The following ASNS variants were observed in gnomAD, a reference collection of about 807,000 sequenced individuals.
ASNS encodes the protein asparagine synthetase (glutamine-hydrolyzing).
A neutral mutation model predicts 62.6 loss-of-function variants in ASNS; 37 were observed. That is an observed-to-expected ratio of 0.59 (90% confidence interval 0.45 to 0.78). The LOEUF (loss-of-function observed/expected upper bound fraction) is 0.78. Among genes scored for constraint, ASNS ranks in the 30% least tolerant of loss-of-function variants. The pLI is 0.00. For missense variants in ASNS, 520 were observed against 682.4 expected (o/e 0.76, Z 2.65); for synonymous variants, 207 against 237.9 (o/e 0.87, Z 1.19).
At chr7:97,882,178 C>T in the ASNS span, among the ~76,000 whole-genome samples, 1 of 152,112 alleles carries the variant, frequency 6.6e-6, no homozygotes, top group East Asian at 1.9e-4. Context: ...GTTTGACTTT[C>T]CCCCTCCAGA....
chr7:97,880,001 C>G, the ASNS span, among the ~76,000 whole-genome samples: 1 of 152,104 alleles, frequency 6.6e-6, no homozygotes, highest in African/African-American at 2.4e-5. Context: ...CTCTTCCTAC[C>G]CAGAAGCTTT....
At chr7:97,865,472 A>C (rs1791919741) in intron 3 of ASNS, among the ~76,000 whole-genome samples, 1 of 152,172 alleles carries the variant, frequency 6.6e-6, no homozygotes, top group Admixed American at 6.5e-5. Flanking sequence ...CTTCATTAAC[A>C]ATGGCTTTTG....
At chr7:97,920,691 A>C in the ASNS span, among the ~76,000 whole-genome samples, 1 of 152,242 alleles carries the variant, frequency 6.6e-6, no homozygotes, top group Non-Finnish European at 1.5e-5. Context: ...AGTTGCCTGC[A>C]AGGAGGGCTG....
chr7:97,854,926 G>T, intron 9 of ASNS: 1 of 540,664 alleles, frequency 1.8e-6, no homozygotes, highest in Non-Finnish European at 3.1e-6. Context: ...CTAAGAAATG[G>T]CAGAAAGGGG....
the ASNS span, chr7:97,913,201 C>T: frequency 6.6e-6 from 1 of 152,238 alleles, no homozygotes; most frequent in Middle Eastern, 3.2e-3. Flanking sequence ...TGGTGGACTT[C>T]CAGCCAGTGG....
upstream of ASNS, among the ~76,000 whole-genome samples, chr7:97,874,503 A>C (rs1485638351): frequency 2.6e-5 from 4 of 152,256 alleles, no homozygotes; most frequent in African/African-American, 9.6e-5. Context: ...GGGAAGTGAT[A>C]AGTTTAGTCC....
chr7:97,889,078 G>C, the ASNS span, among the ~76,000 whole-genome samples: 1 of 152,176 alleles, frequency 6.6e-6, no homozygotes, highest in Non-Finnish European at 1.5e-5. Context: ...ATTGGCCCAC[G>C]CAGACAGGCT....
the ASNS span, among the ~76,000 whole-genome samples, chr7:97,915,558 C>A: frequency 1.3e-5 from 2 of 152,152 alleles, no homozygotes; most frequent in Non-Finnish European, 2.9e-5. Context: ...CGTAGCTGAG[C>A]TAGTGTCTAC....
chr7:97,904,265 C>T, the ASNS span, among the ~76,000 whole-genome samples: 1 of 145,534 alleles, frequency 6.9e-6, no homozygotes, highest in African/African-American at 2.6e-5. Flanking sequence ...TAAGAAGGAA[C>T]TTTTTTAAAC....
At chr7:97,853,277 C>A in intron 11 of ASNS, 28 bp downstream of exon 11, 1 of 1,612,586 alleles carries the variant, frequency 6.2e-7, no homozygotes, top group African/African-American at 1.3e-5. Flanking sequence ...TGGCAATGGA[C>A]AGTTTTACCT....
the ASNS span, among the ~76,000 whole-genome samples, chr7:97,906,145 A>G: frequency 6.6e-6 from 1 of 152,116 alleles, no homozygotes; most frequent in Admixed American, 6.6e-5. Flanking sequence ...TCCTCCATGC[A>G]GTTGATTCCC....
chr7:97,924,359 G>A, the ASNS span, among the ~76,000 whole-genome samples: 1 of 152,210 alleles, frequency 6.6e-6, no homozygotes, highest in East Asian at 1.9e-4. Flanking sequence ...TCAGGAGCCT[G>A]CCTCACAAAT....
chr7:97,889,993 C>G, the ASNS span, among the ~76,000 whole-genome samples: 7 of 120,414 alleles, frequency 5.8e-5, no homozygotes, highest in African/African-American at 2.2e-4. Flanking sequence ...ACAAATTCAA[C>G]AGAGATAGAC....
chr7:97,910,709 C>T, the ASNS span, among the ~76,000 whole-genome samples: 1 of 151,830 alleles, frequency 6.6e-6, no homozygotes, highest in Admixed American at 6.6e-5. Context: ...TCAAGTGATT[C>T]TCCTGCCTCA....
At chr7:97,924,956 G>T in the ASNS span, among the ~76,000 whole-genome samples, 1 of 152,146 alleles carries the variant, frequency 6.6e-6, no homozygotes, top group Non-Finnish European at 1.5e-5. Flanking sequence ...GGACAACATG[G>T]TGAAACCCCA....
intron 2 of ASNS, 74 bp downstream of exon 2, chr7:97,869,704 A>G (rs1348280962): frequency 6.5e-6 from 1 of 154,300 alleles, no homozygotes; most frequent in East Asian, 1.9e-4. Context: ...TGGGTACAAC[A>G]GAAAATCATA....
chr7:97,858,240 C>T, intron 7 of ASNS, 38 bp downstream of exon 7: 2 of 1,607,382 alleles, frequency 1.2e-6, no homozygotes, highest in Non-Finnish European at 1.7e-6. Context: ...CAAGTCTACT[C>T]TAACTACACT....
chr7:97,897,085 G>A, the ASNS span, among the ~76,000 whole-genome samples: 1 of 151,864 alleles, frequency 6.6e-6, no homozygotes, highest in Non-Finnish European at 1.5e-5. Context: ...AATAAACACA[G>A]GAGAAACTCT....
the ASNS span, among the ~76,000 whole-genome samples, chr7:97,900,359 T>TAAAAAAAAAAAAAAA: frequency 3.4e-5 from 2 of 58,384 alleles, no homozygotes; most frequent in Non-Finnish European, 2.9e-5. Flanking sequence ...AGACTTTGTC[T>TAAAAAAAAAAAAAAA]CAAAAAAAAA....
Sources: allele counts gnomAD v4.1 joint callset (sites outside exome capture counted in the v4.1 genomes callset), GRCh38; gene constraint gnomAD v4.1.1; transcripts MANE v1.5; gene names NCBI Gene and HGNC (gene_info 2026-07-23, HGNC 2026-07-21).